Variants in DHDDS observed in about 807,000 individuals in gnomAD.
The protein encoded by DHDDS is dehydrodolichyl diphosphate synthase complex subunit DHDDS.
Under a neutral mutation model 46.2 loss-of-function variants are expected in DHDDS, and 16 were observed. The ratio of observed to expected loss-of-function variants is 0.35; its 90% CI spans 0.23 to 0.53. The LOEUF is 0.53. Ranked by LOEUF, DHDDS falls within the 20% of genes least tolerant of loss-of-function variation. The probability of loss-of-function intolerance (pLI) is 0.94; values close to 1 mark genes in which losing one functional copy is unlikely to be tolerated. For missense variants in DHDDS, 340 were observed against 423.7 expected, an observed-to-expected ratio of 0.80 and a Z score of 1.73; for synonymous variants, 151 against 163.1, an observed-to-expected ratio of 0.93 and a Z score of 0.56.
chr1:26,470,905 T>TCA lies in DHDDS; in HGVS notation c.*1774_*1775insCA, dbSNP rs1170223963. 6.5e-6 allele frequency: 1 copy of TCA among 152,764 alleles called. No individual in the cohort carries two copies. Among genetic ancestry groups the TCA allele is most frequent in the Non-Finnish European group, 1.5e-5 (1 of 68,174 alleles). The allele number at this position is 152,764 out of a possible 1,614,324, so 9.5% of individuals were successfully genotyped here. A position where few individuals can be genotyped will look rare whatever the true frequency, so the allele number is the denominator to read the frequency against. ...GAATCTGCCCTATGAGCGTGGCTGTTGAGTCCTGTCTCCTGGGTCTGACTT... is the reference window on the plus strand; with the variant it reads ...GAATCTGCCCTATGAGCGTGGCTGTTCAGAGTCCTGTCTCCTGGGTCTGACTT... On this transcript the variant is annotated 3_prime_UTR_variant, in exon 9 of 9. Coordinates refer to ENST00000236342, the MANE Select transcript of DHDDS (RefSeq NM_205861.3).
chr1:26,445,026 T>G (rs1046206239), intron 4 of DHDDS, among the ~76,000 whole-genome samples: 1 of 152,148 alleles, frequency 6.6e-6, no homozygotes. Flanking sequence ...CAATATAATG[T>G]CATAATTAAG....
intron 6 of DHDDS, 103 bp downstream of exon 6, chr1:26,447,763 CA>C: frequency 9.7e-7 from 1 of 1,035,014 alleles, no homozygotes; most frequent in Non-Finnish European, 1.5e-6. Context: ...CCGAGGTGGG[CA>C]GTCCACTTGA....
chr1:26,455,039 T>C, intron 6 of DHDDS: 1 of 1,171,886 alleles, frequency 8.5e-7, no homozygotes, highest in South Asian at 1.2e-5. Context: ...TAAAGTGACA[T>C]CTTTCAGGTA....
chr1:26,449,352 C>T (rs1480414403), intron 6 of DHDDS, among the ~76,000 whole-genome samples: 2 of 152,038 alleles, frequency 1.3e-5, no homozygotes, highest in African/African-American at 2.4e-5. Flanking sequence ...CTGTCTGCCT[C>T]AGCCTCCCAA....
At chr1:26,451,566 G>A (rs956111887) in intron 6 of DHDDS, among the ~76,000 whole-genome samples, 5 of 150,852 alleles carry the variant, frequency 3.3e-5, no homozygotes, top group Non-Finnish European at 5.9e-5. Context: ...AGCAGTTTTC[G>A]TGCTTCAGCC....
At chr1:26,434,982 CAA>C (rs1229858533) in intron 2 of DHDDS, among the ~76,000 whole-genome samples, 1 of 149,952 alleles carries the variant, frequency 6.7e-6, no homozygotes. Context: ...TTGTTTGGCT[CAA>C]AAAAAGTCTT....
chr1:26,448,185 TTTC>T (rs1557441107), intron 6 of DHDDS: 1 of 151,146 alleles, frequency 6.6e-6, no homozygotes, highest in Non-Finnish European at 1.4e-5. Flanking sequence ...TTCAGGTGTT[TTTC>T]TTTTCTTTTT....
At chr1:26,452,152 C>A (rs1275669911) in intron 6 of DHDDS, among the ~76,000 whole-genome samples, 1 of 152,066 alleles carries the variant, frequency 6.6e-6, no homozygotes, top group Admixed American at 6.6e-5. Context: ...CTCAAGAGAT[C>A]CTTCCACCTC....
chr1:26,447,056 G>A (rs991108033), intron 5 of DHDDS, among the ~76,000 whole-genome samples: 19 of 152,108 alleles, frequency 1.2e-4, no homozygotes, highest in African/African-American at 4.1e-4. Context: ...CTATTTGGTG[G>A]CTGGGCACAG....
At chr1:26,464,732 T>A (rs1018970001) in intron 8 of DHDDS, among the ~76,000 whole-genome samples, 1 of 152,182 alleles carries the variant, frequency 6.6e-6, no homozygotes, top group African/African-American at 2.4e-5. Flanking sequence ...CCCTCCAGTT[T>A]CCTACCTGTA....
At chr1:26,458,530 G>C (rs1347899275) in intron 7 of DHDDS, among the ~76,000 whole-genome samples, 1 of 152,134 alleles carries the variant, frequency 6.6e-6, no homozygotes, top group African/African-American at 2.4e-5. Flanking sequence ...TTGAGGTCAG[G>C]AGTTTGAGAC....
intron 8 of DHDDS, 83 bp from the exon 9 acceptor site, chr1:26,468,811 GC>G: frequency 1.6e-6 from 1 of 637,984 alleles, no homozygotes; most frequent in Non-Finnish European, 2.6e-6. Flanking sequence ...CCCACCCTGT[GC>G]CCCACCCCCT....
At chr1:26,462,159 A>G (rs1384718208) in intron 8 of DHDDS, among the ~76,000 whole-genome samples, 1 of 150,658 alleles carries the variant, frequency 6.6e-6, no homozygotes, top group Non-Finnish European at 1.5e-5. Flanking sequence ...AGCTAGGACT[A>G]TGGGCACACA....
intron 2 of DHDDS, among the ~76,000 whole-genome samples, chr1:26,434,785 C>T (rs1013501523): frequency 2.7e-5 from 4 of 150,746 alleles, no homozygotes; most frequent in African/African-American, 9.8e-5. Flanking sequence ...CCCCAAGTAG[C>T]TGGGATTATA....
At chr1:26,461,288 G>T (rs946902239) in intron 8 of DHDDS, among the ~76,000 whole-genome samples, 1 of 151,980 alleles carries the variant, frequency 6.6e-6, no homozygotes, top group Non-Finnish European at 1.5e-5. Flanking sequence ...ATAATCTAAT[G>T]AAAGCCACAG....
chr1:26,458,910 CT>C (rs2124495567), intron 7 of DHDDS, among the ~76,000 whole-genome samples: 1 of 152,174 alleles, frequency 6.6e-6, no homozygotes, highest in African/African-American at 2.4e-5. Context: ...AACTTGAGGA[CT>C]TACTGGAAGA....
chr1:26,468,227 TA>T (rs10709725), intron 8 of DHDDS, among the ~76,000 whole-genome samples: 47,088 of 151,872 alleles, frequency 0.31, 8,621 homozygotes, highest in East Asian at 0.72. Context: ...AGAATGTTCA[TA>T]GGGGGGTCAT....
Position 26,446,418 on chromosome 1 carries a change from G to A in DHDDS, c.426G>A (p.Thr142=), listed in dbSNP as rs780727048. 3.1e-6 allele frequency: 5 copies of A among 1,613,722 alleles called. No homozygotes were observed. The highest frequency in any genetic ancestry group is 4.2e-6 in the Non-Finnish European group (5 of 1,179,786). ...QELIAQAVQA[T]KNYNKCFLNV... ...TGATTGCACAAGCTGTACAGGCCAC[G>A]AAGAACTACAACAAGTAAGTTCTCA... Residue 142 remains threonine, a synonymous_variant, in exon 5 of 9, where the codon ACG becomes ACA. Coordinates refer to ENST00000236342, the MANE Select transcript of DHDDS (RefSeq NM_205861.3).
chr1:26,438,096 T>C (rs2075179334), intron 2 of DHDDS, 72 bp from the exon 3 acceptor site: 1 of 1,502,420 alleles, frequency 6.7e-7, no homozygotes, highest in Admixed American at 1.7e-5. Flanking sequence ...ACATATCACC[T>C]TGGGGTGTAG....
Sources: gnomAD v4.1 joint callset for allele counts (sites outside exome capture counted in the v4.1 genomes callset) on GRCh38, gnomAD v4.1.1 for gene constraint, MANE v1.5 for transcripts, NCBI Gene and HGNC (gene_info 2026-07-23, HGNC 2026-07-21) for gene names.